The following TMEM223 variants were observed in gnomAD, a reference collection of about 807,000 sequenced individuals.
The protein encoded by TMEM223 is transmembrane protein 223.
TMEM223 carries 14 observed loss-of-function variants against 14.1 expected under a neutral mutation model. The observed-to-expected ratio is 0.99, with a 90% CI of 0.66 to 1.55. The LOEUF is 1.55. TMEM223 is among the 40% of genes most tolerant of loss of function. TMEM223 has a pLI of 0.00. For missense variants in TMEM223, 346 were observed against 269.9 expected, an observed-to-expected ratio of 1.28 and a Z score of -1.97; for synonymous variants, 145 against 120.5, an observed-to-expected ratio of 1.20 and a Z score of -1.33.
chr11:62,789,490 T>A, downstream of TMEM223: 7 of 1,608,424 alleles, frequency 4.4e-6, no homozygotes, highest in South Asian at 7.7e-5. Context: ...CGGGGTCCTA[T>A]AATTTCCTTT....
rs1299139776 is a variant in TMEM223, at chr11:62,790,344, C to T, written c.*279G>A. On this transcript the variant is annotated 3_prime_UTR_variant, in exon 2 of 2. Transcript: ENST00000307366. ...ACTTAGAGGTACTGTTAGGCAGCTG[C>T]CCTAGGGATGACTGCTCCTTTATTT... The T allele has an allele frequency of 1.8e-5, 10 of 545,278 alleles. No individual in the cohort carries two copies. The highest frequency in any genetic ancestry group is 1.4e-4 in the Admixed American group (4 of 27,610). 33.8% of individuals were successfully genotyped at this position (545,278 alleles called of 1,614,324 possible).
At position 62,778,000 on chromosome 11, in the gene TMEM223, A is replaced by T. The variant is rs1172765111; in HGVS notation, c.315-3335T>A. 3.7e-6 allele frequency: 6 copies of T among 1,614,030 alleles called. No individual in the cohort carries two copies. The Admixed American group carries it at 6.7e-5, about 18-fold the overall frequency. ...CAGGCTGTGTGTGGTTACGGATCAC[A>T]GGAGGCACTGCCCATGCGCCCCGCC... is the stretch of plus-strand genomic sequence containing the variant. On this transcript the variant is annotated intron_variant, in intron 1 of 2. Transcript: ENST00000528367.
intron 1 of TMEM223, chr11:62,778,453 T>C: frequency 7.9e-7 from 1 of 1,271,500 alleles, no homozygotes; most frequent in Non-Finnish European, 1.1e-6. Flanking sequence ...GCCTGCCTTG[T>C]GCCATGGTCT....
intron 1 of TMEM223, chr11:62,782,166 A>C: frequency 1.2e-6 from 2 of 1,613,934 alleles, no homozygotes; most frequent in Non-Finnish European, 8.5e-7. Context: ...TGCAGGTGGC[A>C]CGGAGCCTAT....
chr11:62,789,046 C>T (rs747628620), downstream of TMEM223: 38 of 1,613,934 alleles, frequency 2.4e-5, no homozygotes, highest in Non-Finnish European at 3.1e-5. Flanking sequence ...GTAGATGTCC[C>T]CTGTATGGTG....
At chr11:62,785,544 T>C (rs1327834136), downstream of TMEM223, among the ~76,000 whole-genome samples, 1 of 150,670 alleles carries the variant, frequency 6.6e-6, no homozygotes, top group Admixed American at 6.6e-5. Flanking sequence ...AATTCTTTTT[T>C]TTTTTTTTGA....
intron 1 of TMEM223, chr11:62,778,061 G>A (rs768298375): frequency 1.2e-6 from 2 of 1,614,086 alleles, no homozygotes; most frequent in Admixed American, 1.7e-5. Flanking sequence ...AGGATCGAGA[G>A]GTGAACCTGG....
intron 1 of TMEM223, chr11:62,778,964 G>GT: frequency 6.2e-7 from 1 of 1,613,540 alleles, no homozygotes; most frequent in Non-Finnish European, 8.5e-7. Context: ...ACTGATGAAG[G>GT]TGAGCGAGTG....
In TMEM223 at chr11:62,790,725, C is replaced by G. The variant is rs1222962097; in HGVS notation, c.507G>C (p.Leu169=). 6.2e-7 allele frequency: 1 copy of G among 1,611,266 alleles called. No individual in the cohort carries two copies. Among genetic ancestry groups the G allele is most frequent in the Non-Finnish European group, 8.5e-7 (1 of 1,178,688 alleles). Reference sequence around the variant, plus strand: ...AATAGAAGCGTCGGCCTTTGACTTTCAGAGGTAGCATGGCAGGGACTTCAC... The same window carrying G: ...AATAGAAGCGTCGGCCTTTGACTTTGAGAGGTAGCATGGCAGGGACTTCAC... ...HRGEVPAMLP[L]KVKGRRFYFL... The change falls in exon 2 of 2, where the codon CTG becomes CTC. Residue 169 remains leucine, a synonymous_variant. Coordinates refer to ENST00000307366, the MANE Select transcript of TMEM223 (RefSeq NM_001080501.3).
chr11:62,774,579 G>C (rs763629746), intron 2 of TMEM223: 12 of 454,638 alleles, frequency 2.6e-5, no homozygotes, highest in South Asian at 1.9e-4. Context: ...CATCACTTTG[G>C]CGCACGGGAG....
rs1363312084 is a variant in TMEM223 at position 62,774,508 on chromosome 11, G to A, written c.385+87C>T. ...CCATTGATCCCCTGCCAGAGGAGTA[G>A]TGGGGGCAATGCCTGGGTGGGTCAT... is the stretch of plus-strand genomic sequence containing the variant. On this transcript the variant is annotated intron_variant, in intron 2 of 2. Transcript: ENST00000528367. The A allele has an allele frequency of 6.7e-6, 3 of 449,574 alleles. No individual in the cohort carries two copies. In the Admixed American group the frequency reaches 7.1e-5, roughly 11 times the overall value. 27.8% of individuals were successfully genotyped at this position (449,574 alleles called of 1,614,324 possible). A position where few individuals can be genotyped will look rare whatever the true frequency, so the allele number is the denominator to read the frequency against.
intron 1 of TMEM223, chr11:62,779,046 G>C: frequency 3.3e-6 from 4 of 1,196,748 alleles, no homozygotes; most frequent in Non-Finnish European, 4.8e-6. Context: ...TTGAGACAGA[G>C]TTTCGCTCTT....
intron 1 of TMEM223, among the ~76,000 whole-genome samples, chr11:62,776,850 GAAAA>G (rs71056563): frequency 2.9e-5 from 2 of 68,142 alleles, no homozygotes; most frequent in Admixed American, 1.7e-4. Context: ...CTCAAAAAAA[GAAAA>G]AAAAAAAAAA....
At chr11:62,771,531 G>C (rs1039106837), downstream of TMEM223, 1 of 158,420 alleles carries the variant, frequency 6.3e-6, no homozygotes, top group Non-Finnish European at 1.4e-5. Context: ...CCCCATTCCC[G>C]ACGCCGACTG....
chr11:62,779,770 A>G (rs1284455089), intron 1 of TMEM223, among the ~76,000 whole-genome samples: 1 of 151,014 alleles, frequency 6.6e-6, no homozygotes, highest in Non-Finnish European at 1.5e-5. Flanking sequence ...GGTTCAAGCA[A>G]TTCTCCCACC....
At chr11:62,782,296 C>T (rs746878530) in intron 1 of TMEM223, 8 of 1,613,920 alleles carry the variant, frequency 5.0e-6, no homozygotes, top group South Asian at 1.1e-5. Flanking sequence ...CTGGACTCTG[C>T]GGGATGGGGC....
chr11:62,787,147 C>A (rs867380879), downstream of TMEM223: 1 of 1,570,434 alleles, frequency 6.4e-7, no homozygotes, highest in Non-Finnish European at 8.6e-7. Flanking sequence ...GAGGCGCTGC[C>A]GCGGGCGCCT....
chr11:62,779,952 C>CCATATATATATATATATATA (rs1332185092), intron 1 of TMEM223, among the ~76,000 whole-genome samples: 1 of 100,054 alleles, frequency 1.0e-5, no homozygotes, highest in African/African-American at 4.5e-5. Flanking sequence ...AGGCGTGAGC[C>CCATATATATATATATATATA]TATATATATA....
chr11:62,779,240 G>A (rs916981816), intron 1 of TMEM223, among the ~76,000 whole-genome samples: 1 of 152,070 alleles, frequency 6.6e-6, no homozygotes, highest in Admixed American at 6.6e-5. Flanking sequence ...TGTCACCCAG[G>A]CTGGAGTGCA....
Sources: allele counts gnomAD v4.1 joint callset (sites outside exome capture counted in the v4.1 genomes callset), GRCh38; gene constraint gnomAD v4.1.1; transcripts MANE v1.5; gene names NCBI Gene and HGNC (gene_info 2026-07-23, HGNC 2026-07-21).